STYK1: variants seen among roughly 807,000 people sequenced by gnomAD.
STYK1 encodes the protein tyrosine-protein kinase STYK1.
STYK1 carries 46 observed loss-of-function variants against 48.1 expected under a neutral mutation model. That is an observed-to-expected ratio of 0.96 (90% CI 0.75 to 1.22). The LOEUF (loss-of-function observed/expected upper bound fraction) is 1.22. Among genes scored for constraint, STYK1 ranks in the 50% most tolerant of loss-of-function variants. STYK1 has a pLI of 0.00. For missense variants in STYK1, 527 were observed against 521.1 expected, an observed-to-expected ratio of 1.01 and a Z score of -0.11; for synonymous variants, 188 against 189.0, an observed-to-expected ratio of 0.99 and a Z score of 0.04.
intron 1 of STYK1, among the ~76,000 whole-genome samples, chr12:10,644,881 T>C (rs1413158383): frequency 6.6e-6 from 1 of 151,988 alleles, no homozygotes; most frequent in Admixed American, 6.6e-5. Context: ...GATAAATATT[T>C]GGGAGTCATT....
At chr12:10,624,581 T>A in intron 8 of STYK1, 70 bp downstream of exon 8, 2 of 1,416,476 alleles carry the variant, frequency 1.4e-6, no homozygotes, top group African/African-American at 1.4e-5. Context: ...TGGCAACAGA[T>A]CAAATCATAT....
intron 1 of STYK1, among the ~76,000 whole-genome samples, chr12:10,670,867 CAT>C (rs889735697): frequency 6.7e-5 from 10 of 148,748 alleles, no homozygotes; most frequent in African/African-American, 2.5e-4. Flanking sequence ...TTTAATTAAA[CAT>C]AAATTTTAAA....
At chr12:10,646,913 G>A (rs376800271) in intron 1 of STYK1, among the ~76,000 whole-genome samples, 40 of 152,348 alleles carry the variant, frequency 2.6e-4, no homozygotes, top group African/African-American at 9.4e-4. Context: ...TCCATGTGGT[G>A]TTGAGCCTGT....
chr12:10,651,996 T>C (rs569557900), intron 1 of STYK1, among the ~76,000 whole-genome samples: 63 of 152,368 alleles, frequency 4.1e-4, no homozygotes, highest in Non-Finnish European at 1.3e-4. Context: ...CCAGTGGTTC[T>C]ACTTGAGGAG....
At chr12:10,659,560 G>C (rs1465481052) in intron 1 of STYK1, among the ~76,000 whole-genome samples, 1 of 110,832 alleles carries the variant, frequency 9.0e-6, no homozygotes, top group Non-Finnish European at 1.9e-5. Flanking sequence ...AGTGAAGAAT[G>C]TCATTTTCTG....
At chr12:10,656,275 A>C (rs1227484893) in intron 1 of STYK1, among the ~76,000 whole-genome samples, 1 of 152,158 alleles carries the variant, frequency 6.6e-6, no homozygotes, top group African/African-American at 2.4e-5. Context: ...AGTCCATTAA[A>C]GCTTTTCTTT....
At chr12:10,634,202 A>C in intron 3 of STYK1, 78 bp from the exon 4 acceptor site, 2 of 1,491,814 alleles carry the variant, frequency 1.3e-6, no homozygotes, top group South Asian at 2.6e-5. Context: ...CCTACCCGCC[A>C]GCTCTCAGCT....
chr12:10,631,468 A>C (rs1947428873), intron 4 of STYK1, among the ~76,000 whole-genome samples, 160 bp from the exon 5 acceptor site: 1 of 152,226 alleles, frequency 6.6e-6, no homozygotes, highest in Admixed American at 6.5e-5. Context: ...ATCAATGTCA[A>C]GTTTGTAGAA....
At chr12:10,656,093 C>T (rs1947714763) in intron 1 of STYK1, among the ~76,000 whole-genome samples, 1 of 152,110 alleles carries the variant, frequency 6.6e-6, no homozygotes, top group Non-Finnish European at 1.5e-5. Flanking sequence ...CTTCACCATG[C>T]TGTTCTTGTG....
chr12:10,661,788 G>A (rs550211215), intron 1 of STYK1, among the ~76,000 whole-genome samples: 1 of 152,270 alleles, frequency 6.6e-6, no homozygotes, highest in African/African-American at 2.4e-5. Context: ...TGTTTGTCCA[G>A]TAAATTCTCA....
intron 9 of STYK1, 101 bp from the exon 10 acceptor site, chr12:10,622,073 T>C (rs1283337919): frequency 8.4e-6 from 8 of 956,806 alleles, no homozygotes; most frequent in Non-Finnish European, 1.3e-5. Flanking sequence ...GCAAAAGATA[T>C]AGCCATAGGA....
At chr12:10,658,884 A>G (rs892631135) in intron 1 of STYK1, among the ~76,000 whole-genome samples, 1 of 152,186 alleles carries the variant, frequency 6.6e-6, no homozygotes, top group African/African-American at 2.4e-5. Flanking sequence ...AGGTAACCAT[A>G]TTTCCTTGTT....
Position 10,668,539 on chromosome 12 carries a change from CTTTTTTT to C in STYK1, c.-195+5420_-195+5426del, listed in dbSNP as rs55897413. Among the ~76,000 whole-genome samples, 86 of 46,508 alleles carry C rather than the reference CTTTTTTT, an allele frequency of 1.8e-3. 1 individual carries two copies. The highest frequency in any genetic ancestry group is 5.6e-3 in the South Asian group (7 of 1,240). The allele number at this position is 46,508 out of a possible 152,430, so 30.5% of individuals were successfully genotyped here. A position where few individuals can be genotyped will look rare whatever the true frequency, so the allele number is the denominator to read the frequency against. ...TATAGGCACCTGTCACCACACCTGGCTTTTTTTTTTTTTTTTTTTTTTTTTTTGTATA... is the reference window on the plus strand; with the variant it reads ...TATAGGCACCTGTCACCACACCTGGCTTTTTTTTTTTTTTTTTTTTGTATA... On this transcript the variant is annotated intron_variant, in intron 1 of 10. Transcript: ENST00000075503.
intron 3 of STYK1, 142 bp downstream of exon 3, chr12:10,634,425 A>G (rs1947463828): frequency 1.4e-5 from 13 of 916,672 alleles, no homozygotes; most frequent in Non-Finnish European, 2.0e-5. Flanking sequence ...CAAAAAGACA[A>G]TGGCCTCTAG....
At chr12:10,666,216 G>A (rs1489705741) in intron 1 of STYK1, among the ~76,000 whole-genome samples, 1 of 152,174 alleles carries the variant, frequency 6.6e-6, no homozygotes, top group Non-Finnish European at 1.5e-5. Flanking sequence ...CTTTGGAGAA[G>A]TTGATTTTAA....
Position 10,621,940 on chromosome 12 carries a change from T to G in STYK1, c.1000A>C (p.Ser334Arg). Residue 334 changes from serine (S) to arginine (R), a missense_variant, in exon 10 of 11, where the codon AGC becomes CGC. Transcript: ENST00000075503. ...APPYPEVPPT[S>R]ILEHLQRRKI... ...CTTCTTTGGAGATGCTCTAGGATGC[T>G]GGTAGGAGGGACTTCAGGATACGGT... 1 of 1,613,940 alleles carries G rather than the reference T, an allele frequency of 6.2e-7. No individual in the cohort carries two copies. Among genetic ancestry groups the G allele is most frequent in the Non-Finnish European group, 8.5e-7 (1 of 1,179,836 alleles).
chr12:10,634,464 A>T (rs1947464222), intron 3 of STYK1, 103 bp downstream of exon 3: 2 of 1,326,078 alleles, frequency 1.5e-6, no homozygotes, highest in Admixed American at 3.4e-5. Context: ...CACTGTCTTC[A>T]TTTCTACTGG....
Position 10,621,862 on chromosome 12 carries a change from TA to T in STYK1, c.1064+13del. ...TTGGAATGAAAGAGGAGCAGGCCTTTAAAAACCACTTACATGGTATGTGTGC... is the reference window on the plus strand; with the variant it reads ...TTGGAATGAAAGAGGAGCAGGCCTTTAAAACCACTTACATGGTATGTGTGC... On this transcript the variant is annotated intron_variant, in intron 10 of 10. Transcript: ENST00000075503. 1 of 1,612,758 alleles carries T rather than the reference TA, an allele frequency of 6.2e-7. No individual in the cohort carries two copies. The highest frequency in any genetic ancestry group is 1.1e-5 in the South Asian group (1 of 91,016).
At chr12:10,622,779 G>T in intron 8 of STYK1, 101 bp from the exon 9 acceptor site, 1 of 1,366,434 alleles carries the variant, frequency 7.3e-7, no homozygotes. Flanking sequence ...CCATGAAAAA[G>T]GCAATGAAGG....
Sources: gnomAD v4.1 joint callset for allele counts (sites outside exome capture counted in the v4.1 genomes callset) on GRCh38, gnomAD v4.1.1 for gene constraint, MANE v1.5 for transcripts, NCBI Gene and HGNC (gene_info 2026-07-23, HGNC 2026-07-21) for gene names.